SEMA4D: variants seen among roughly 807,000 people sequenced by gnomAD.
SEMA4D encodes semaphorin-4D.
A neutral mutation model predicts 74.8 loss-of-function variants in SEMA4D; 22 were observed. The observed-to-expected ratio is 0.29, with a 90% confidence interval of 0.21 to 0.42. SEMA4D has a LOEUF of 0.42. Ranked by LOEUF, SEMA4D falls within the 10% of genes least tolerant of loss-of-function variation. The probability of loss-of-function intolerance (pLI) is 1.00; values close to 1 mark genes in which losing one functional copy is unlikely to be tolerated. For missense variants in SEMA4D, 937 were observed against 1,118.4 expected (o/e 0.84, Z 2.31); for synonymous variants, 445 against 463.7 (o/e 0.96, Z 0.52).
At chr9:89,434,842 G>A (rs918803066) in intron 2 of SEMA4D, among the ~76,000 whole-genome samples, 1 of 152,208 alleles carries the variant, frequency 6.6e-6, no homozygotes, top group Non-Finnish European at 1.5e-5. Context: ...GGAATGTAGA[G>A]GGGAGGCAGG....
At chr9:89,453,140 A>G (rs1341954997) in intron 2 of SEMA4D, among the ~76,000 whole-genome samples, 1 of 152,198 alleles carries the variant, frequency 6.6e-6, no homozygotes, top group African/African-American at 2.4e-5. Context: ...ACAGGGCTCC[A>G]TCCCAGTGCA....
chr9:89,422,146 T>C (rs756624935), intron 2 of SEMA4D, among the ~76,000 whole-genome samples: 10 of 152,204 alleles, frequency 6.6e-5, no homozygotes, highest in African/African-American at 9.7e-5. Flanking sequence ...AGCTCGGGTG[T>C]CTCCTGTACT....
At chr9:89,453,440 AC>A (rs1855117351) in intron 2 of SEMA4D, among the ~76,000 whole-genome samples, 1 of 152,170 alleles carries the variant, frequency 6.6e-6, no homozygotes, top group African/African-American at 2.4e-5. Context: ...GTCCAAGCCA[AC>A]CTGTGCTCCT....
chr9:89,370,817 T>C (rs1476681700), intron 16 of SEMA4D, among the ~76,000 whole-genome samples: 1 of 119,740 alleles, frequency 8.4e-6, no homozygotes, highest in African/African-American at 3.3e-5. Context: ...TGTGTGTGGG[T>C]GTGGTGTGTG....
At chr9:89,424,088 A>G (rs1422861878) in intron 2 of SEMA4D, among the ~76,000 whole-genome samples, 1 of 99,320 alleles carries the variant, frequency 1.0e-5, no homozygotes, top group Non-Finnish European at 2.1e-5. Flanking sequence ...TCAGTACTTC[A>G]CCTTCCCCAG....
At chr9:89,385,866 G>GGGGGGGCCCC in intron 13 of SEMA4D, 3 of 196,226 alleles carry the variant, frequency 1.5e-5, no homozygotes, top group Non-Finnish European at 1.8e-5. Flanking sequence ...CAGCGTGGAT[G>GGGGGGGCCCC]CCCGCCCACC....
intron 1 of SEMA4D, among the ~76,000 whole-genome samples, chr9:89,470,520 TG>T (rs1859898690): frequency 6.6e-6 from 1 of 152,222 alleles, no homozygotes; most frequent in African/African-American, 2.4e-5. Flanking sequence ...CTGGTGAGAC[TG>T]TAATATGGTA....
chr9:89,475,760 C>T (rs981746050), intron 1 of SEMA4D, among the ~76,000 whole-genome samples: 3 of 152,160 alleles, frequency 2.0e-5, no homozygotes, highest in South Asian at 2.1e-4. Flanking sequence ...GCCAGGCACA[C>T]GGGAGGCCAA....
intron 1 of SEMA4D, among the ~76,000 whole-genome samples, chr9:89,476,621 A>AT (rs1861816975): frequency 6.6e-6 from 1 of 152,326 alleles, no homozygotes; most frequent in Non-Finnish European, 1.5e-5. Flanking sequence ...AGCCTGCTGT[A>AT]TATTTTAGAC....
chr9:89,495,946 T>C (rs1825977018), intron 1 of SEMA4D, among the ~76,000 whole-genome samples: 1 of 152,166 alleles, frequency 6.6e-6, no homozygotes, highest in South Asian at 2.1e-4. Context: ...GGACGTTCCC[T>C]CCCTCCTCAG....
downstream of SEMA4D, among the ~76,000 whole-genome samples, chr9:89,372,584 C>T (rs1835262779): frequency 6.6e-6 from 1 of 151,954 alleles, no homozygotes; most frequent in Admixed American, 6.5e-5. Context: ...GCCGCTGTCC[C>T]TCCTGTGCGG....
intron 17 of SEMA4D, chr9:89,363,566 G>T: frequency 6.2e-7 from 1 of 1,611,810 alleles, no homozygotes; most frequent in Non-Finnish European, 8.5e-7. Flanking sequence ...AAGCTCTGTG[G>T]GCCTTTATGG....
chr9:89,402,740 G>T, intron 4 of SEMA4D, 131 bp downstream of exon 4: 1 of 951,830 alleles, frequency 1.1e-6, no homozygotes, highest in Non-Finnish European at 1.6e-6. Flanking sequence ...GACACCCAAA[G>T]ATGGGGCTGC....
Position 89,387,428 on chromosome 9 carries a change from C to T in SEMA4D, c.1288G>A (p.Ala430Thr), listed in dbSNP as rs1224628867. The T allele has an allele frequency of 6.2e-7, 1 of 1,614,084 alleles. No homozygotes were observed. Among genetic ancestry groups the T allele is most frequent in the African/African-American group, 1.3e-5 (1 of 74,932 alleles). Residue 430 changes from alanine (A) to threonine (T), a missense_variant, in exon 12 of 16, where the codon GCC becomes ACC. Physicochemically the swap from Ala to Thr is moderately conservative, Grantham distance 58 (BLOSUM62 0). Transcript: ENST00000422704. ...YTQIVVDRTQ[A>T]LDGTVYDVMF... is the part of the protein sequence containing the mutation. ...ACATCATAGACAGTCCCATCCAGGG[C>T]CTGGGTCCGGTCCACCACGATCTGG...
intron 12 of SEMA4D, 190 bp downstream of exon 12, chr9:89,387,196 G>T: frequency 5.3e-6 from 3 of 570,382 alleles, no homozygotes; most frequent in Non-Finnish European, 9.2e-6. Flanking sequence ...GTAGCCTGGT[G>T]GTCCCAGATC....
chr9:89,465,236 G>A (rs1174325606), intron 1 of SEMA4D, among the ~76,000 whole-genome samples: 7 of 152,094 alleles, frequency 4.6e-5, no homozygotes, highest in East Asian at 1.9e-4. Context: ...GGTGCATCCC[G>A]CGGAGAACAG....
intron 4 of SEMA4D, among the ~76,000 whole-genome samples, chr9:89,401,761 T>C (rs888806302): frequency 2.0e-5 from 3 of 152,138 alleles, no homozygotes; most frequent in East Asian, 1.9e-4. Context: ...CAAGCATCGA[T>C]TCTGCATTTC....
chr9:89,484,197 A>G lies in SEMA4D; in HGVS notation c.-310+13722T>C, dbSNP rs533717314. Among the ~76,000 whole-genome samples the G allele has an allele frequency of 2.2e-3, 331 of 152,352 alleles. 2 individuals carry two copies. The highest frequency in any genetic ancestry group is 7.9e-4 in the Non-Finnish European group (54 of 68,024). On this transcript the variant is annotated intron_variant, in intron 1 of 15. Coordinates refer to ENST00000422704, the MANE Select transcript of SEMA4D (RefSeq NM_001371194.2). The surrounding 1 kb of genome is among the most constrained non-coding windows in gnomAD (Gnocchi z 4.1). The stretch of plus-strand genomic sequence containing the variant: ...AGCTGGGCTGCATCTGGGAGAGGCA[A>G]GCGAGGGGCCGGCCAGCTTCACTGC...
In SEMA4D at chr9:89,429,009, T is replaced by A. The variant is rs1391234161; in HGVS notation, c.-243-23310A>T. ...TGGACCTAGGTCCCTGTGGGGGGGG[T>A]CTCCCCTTCCACGCTCACTCCTGGC... On this transcript the variant is annotated intron_variant, in intron 2 of 15. Coordinates refer to ENST00000422704, the MANE Select transcript of SEMA4D (RefSeq NM_001371194.2). 2.7e-5 allele frequency among the ~76,000 whole-genome samples: 4 copies of A among 150,096 alleles called. No individual in the cohort carries two copies. The East Asian group carries it at 7.9e-4, about 30-fold the overall frequency.
Sources: gnomAD v4.1 joint callset for allele counts (sites outside exome capture counted in the v4.1 genomes callset) on GRCh38, gnomAD v4.1.1 for gene constraint, Gnocchi (gnomAD v3.1) non-coding constraint, MANE v1.5 for transcripts, NCBI Gene and HGNC (gene_info 2026-07-23, HGNC 2026-07-21) for gene names.